PRKG1: variants seen among roughly 807,000 people sequenced by gnomAD.
PRKG1 encodes cGMP-dependent protein kinase 1.
PRKG1 carries 35 observed loss-of-function variants against 88.1 expected under a neutral mutation model. The observed-to-expected ratio is 0.40, with a 90% CI of 0.30 to 0.53. PRKG1 has a LOEUF of 0.53. Among genes scored for constraint, PRKG1 ranks in the 20% least tolerant of loss-of-function variants. The probability of loss-of-function intolerance (pLI) is 0.59; values close to 1 mark genes in which losing one functional copy is unlikely to be tolerated. For synonymous variants in PRKG1, 303 were observed against 292.5 expected (o/e 1.04, Z -0.37); for missense variants, 540 against 839.8 (o/e 0.64, Z 4.41).
intron 7 of PRKG1, among the ~76,000 whole-genome samples, chr10:52,088,595 C>T (rs1009613660): frequency 2.0e-5 from 3 of 152,120 alleles, no homozygotes; most frequent in African/African-American, 4.8e-5. Flanking sequence ...TCCCTTCCAT[C>T]TCCCAGTGTG....
intron 4 of PRKG1, among the ~76,000 whole-genome samples, chr10:51,892,058 G>T (rs1160603805): frequency 6.6e-6 from 1 of 152,174 alleles, no homozygotes; most frequent in Non-Finnish European, 1.5e-5. Flanking sequence ...TTCATGTTAA[G>T]AATAGAGGCT....
At chr10:51,948,006 A>G (rs949488371) in intron 5 of PRKG1, among the ~76,000 whole-genome samples, 2 of 152,198 alleles carry the variant, frequency 1.3e-5, no homozygotes, top group African/African-American at 4.8e-5. Flanking sequence ...CATTTGTGCT[A>G]AAGTTTATTC....
At chr10:51,907,080 C>T (rs148556170) in intron 4 of PRKG1, among the ~76,000 whole-genome samples, 1 of 152,260 alleles carries the variant, frequency 6.6e-6, no homozygotes, top group African/African-American at 2.4e-5. Context: ...TGAGGCATGT[C>T]CAATCCCTTC....
intron 1 of PRKG1, among the ~76,000 whole-genome samples, chr10:51,132,436 T>C (rs2131939110): frequency 6.6e-6 from 1 of 152,246 alleles, no homozygotes; most frequent in East Asian, 1.9e-4. Flanking sequence ...ACTGAAAAAC[T>C]TAACAGTCAA....
intron 9 of PRKG1, among the ~76,000 whole-genome samples, chr10:52,176,173 CTTTTTTTTTT>C (rs140722137): frequency 1.0e-5 from 1 of 95,674 alleles, no homozygotes; most frequent in Non-Finnish European, 2.0e-5. Flanking sequence ...TTCTTTTTCT[CTTTTTTTTTT>C]TTTTTTTTTT....
At chr10:51,743,838 G>A (rs1385062959) in intron 3 of PRKG1, among the ~76,000 whole-genome samples, 3 of 146,378 alleles carry the variant, frequency 2.0e-5, no homozygotes, top group South Asian at 2.1e-4. Flanking sequence ...TTTAGCAAAT[G>A]TAACAGAAAG....
chr10:52,056,098 TA>T (rs1681189590), intron 6 of PRKG1, among the ~76,000 whole-genome samples: 1 of 152,206 alleles, frequency 6.6e-6, no homozygotes, highest in Non-Finnish European at 1.5e-5. Flanking sequence ...TCTTAAAAGA[TA>T]TCATGAAATG....
intron 10 of PRKG1, among the ~76,000 whole-genome samples, chr10:52,270,725 T>TG (rs905588409): frequency 8.3e-5 from 5 of 60,438 alleles, no homozygotes; most frequent in Admixed American, 2.5e-4. Context: ...TGTTGTGGGG[T>TG]GGGGGGAGGG....
At chr10:51,578,124 A>T (rs1250369493) in intron 3 of PRKG1, among the ~76,000 whole-genome samples, 1 of 152,088 alleles carries the variant, frequency 6.6e-6, no homozygotes, top group Non-Finnish European at 1.5e-5. Context: ...AATGCTCTTC[A>T]TTCCTATTTT....
intron 3 of PRKG1, among the ~76,000 whole-genome samples, chr10:51,480,786 T>G (rs554240078): frequency 6.6e-6 from 1 of 152,300 alleles, no homozygotes; most frequent in South Asian, 2.1e-4. Flanking sequence ...GTTTTTGGCC[T>G]TAAAATTTTC....
Position 51,737,745 on chromosome 10 carries a change from TTATTATTATTATTATTA to T in PRKG1, c.593-66838_593-66822del, listed in dbSNP as rs1564627511. On this transcript the variant is annotated intron_variant, in intron 3 of 17. Transcript: ENST00000373980. ...TATTTATTTATTTATTTATTAATTATTATTATTATTATTATTATTATTATTATTATTTTCTGAGATGG... is the reference window on the plus strand; with the variant it reads ...TATTTATTTATTTATTTATTAATTATTTATTATTATTATTTTCTGAGATGG... Among the ~76,000 whole-genome samples, 366 of 118,630 alleles carry T rather than the reference TTATTATTATTATTATTA, an allele frequency of 3.1e-3. 1 individual carries two copies. The highest frequency in any genetic ancestry group is 6.6e-3 in the African/African-American group (217 of 32,682). The allele number at this position is 118,630 out of a possible 152,430, so 77.8% of individuals were successfully genotyped here. A position where few individuals can be genotyped will look rare whatever the true frequency, so the allele number is the denominator to read the frequency against.
At chr10:52,209,597 T>C (rs1002519380) in intron 9 of PRKG1, among the ~76,000 whole-genome samples, 2 of 152,210 alleles carry the variant, frequency 1.3e-5, no homozygotes, top group African/African-American at 4.8e-5. Context: ...AAAAATATTA[T>C]GCTCTTGACA....
At chr10:51,735,586 G>C (rs577567808) in intron 3 of PRKG1, among the ~76,000 whole-genome samples, 2 of 152,102 alleles carry the variant, frequency 1.3e-5, no homozygotes, top group Admixed American at 1.3e-4. Context: ...ATTATTCCAA[G>C]ACTGTCCTTG....
chr10:51,668,086 A>G (rs946674328), intron 3 of PRKG1, among the ~76,000 whole-genome samples: 3 of 152,160 alleles, frequency 2.0e-5, no homozygotes, highest in Non-Finnish European at 4.4e-5. Context: ...CTTGCTTGTA[A>G]CTATTGGGAG....
intron 7 of PRKG1, among the ~76,000 whole-genome samples, chr10:52,082,470 AT>A (rs776994994): frequency 6.6e-6 from 1 of 152,176 alleles, no homozygotes; most frequent in East Asian, 1.9e-4. Flanking sequence ...TGTGGTGTAA[AT>A]AACCCTATCA....
intron 9 of PRKG1, among the ~76,000 whole-genome samples, chr10:52,208,354 T>G (rs539208932): frequency 2.6e-5 from 4 of 152,330 alleles, no homozygotes; most frequent in Admixed American, 2.6e-4. Context: ...TATGATATTT[T>G]AGATCCTGTC....
At chr10:51,286,341 G>A (rs984102536) in intron 2 of PRKG1, among the ~76,000 whole-genome samples, 8 of 152,190 alleles carry the variant, frequency 5.3e-5, no homozygotes, top group African/African-American at 1.9e-4. Flanking sequence ...AGTGAGTACA[G>A]CATGGACAAT....
In PRKG1 at chr10:51,673,010, A is replaced by T. The variant is rs569706695; in HGVS notation, c.593-131575A>T. On this transcript the variant is annotated intron_variant, in intron 3 of 17. Coordinates refer to ENST00000373980, the MANE Select transcript of PRKG1 (RefSeq NM_006258.4). ...CCCAAGGTTCTGTCTTTCATTCACCATGTGTCTATTAAAACTCAAGACCTG... is the reference window on the plus strand; with the variant it reads ...CCCAAGGTTCTGTCTTTCATTCACCTTGTGTCTATTAAAACTCAAGACCTG... 3.7e-4 allele frequency among the ~76,000 whole-genome samples: 57 copies of T among 152,200 alleles called. No individual in the cohort carries two copies. The South Asian group carries it at 0.012, about 32-fold the overall frequency.
intron 2 of PRKG1, among the ~76,000 whole-genome samples, chr10:51,169,371 C>G (rs1846634863): frequency 6.6e-6 from 1 of 152,090 alleles, no homozygotes; most frequent in Admixed American, 6.6e-5. Context: ...ACATATTTCT[C>G]TTGTGATGCA....
Sources: gnomAD v4.1 joint callset for allele counts (sites outside exome capture counted in the v4.1 genomes callset) on GRCh38, gnomAD v4.1.1 for gene constraint, MANE v1.5 for transcripts, NCBI Gene and HGNC (gene_info 2026-07-23, HGNC 2026-07-21) for gene names.